Variants in STIL observed in about 807,000 individuals in gnomAD.
STIL encodes the protein SCL-interrupting locus protein.
STIL carries 55 observed loss-of-function variants against 110.1 expected under a neutral mutation model. The observed-to-expected ratio is 0.50, with a 90% CI of 0.40 to 0.63. STIL has a LOEUF of 0.63. Among genes scored for constraint, STIL ranks in the 20% least tolerant of loss-of-function variants. STIL has a pLI of 0.00. For synonymous variants in STIL, 481 were observed against 530.0 expected (o/e 0.91, Z 1.27); for missense variants, 1,358 against 1,530.0 (o/e 0.89, Z 1.87).
At chr1:47,278,765 A>C (rs564815290) in intron 12 of STIL, among the ~76,000 whole-genome samples, 1 of 152,210 alleles carries the variant, frequency 6.6e-6, no homozygotes, top group African/African-American at 2.4e-5. Flanking sequence ...GAGGAGTTCA[A>C]GACCAGTCTG....
At chr1:47,309,214 A>G (rs534193875) in intron 2 of STIL, among the ~76,000 whole-genome samples, 1 of 152,298 alleles carries the variant, frequency 6.6e-6, no homozygotes, top group South Asian at 2.1e-4. Flanking sequence ...TACATACACC[A>G]TGTACCCACA....
chr1:47,260,218 G>A (rs1347385219), intron 16 of STIL, 71 bp downstream of exon 16: 3 of 1,423,638 alleles, frequency 2.1e-6, no homozygotes, highest in African/African-American at 1.4e-5. Flanking sequence ...AGCCAATGAT[G>A]GGCAAAAATA....
intron 2 of STIL, among the ~76,000 whole-genome samples, chr1:47,308,528 C>T (rs944738110): frequency 1.3e-5 from 2 of 151,826 alleles, no homozygotes; most frequent in African/African-American, 2.4e-5. Flanking sequence ...ACAAACTTCA[C>T]GTTTTCGCTT....
At chr1:47,310,981 G>C (rs1646105579) in intron 1 of STIL, among the ~76,000 whole-genome samples, 1 of 152,056 alleles carries the variant, frequency 6.6e-6, no homozygotes, top group African/African-American at 2.4e-5. Flanking sequence ...CTGAGTAGCT[G>C]AGACTGCAGG....
chr1:47,277,595 T>C (rs1360640882), intron 12 of STIL, among the ~76,000 whole-genome samples: 1 of 152,122 alleles, frequency 6.6e-6, no homozygotes, highest in African/African-American at 2.4e-5. Context: ...GCAGGAAAGA[T>C]AGTAAAGAGT....
At chr1:47,284,275 G>C (rs1288735921) in intron 10 of STIL, among the ~76,000 whole-genome samples, 1 of 152,146 alleles carries the variant, frequency 6.6e-6, no homozygotes, top group Non-Finnish European at 1.5e-5. Flanking sequence ...CAGTACTTTA[G>C]GAGAGACAAA....
At chr1:47,303,650 G>A (rs1216329864) in intron 3 of STIL, among the ~76,000 whole-genome samples, 1 of 151,954 alleles carries the variant, frequency 6.6e-6, no homozygotes, top group Non-Finnish European at 1.5e-5. Flanking sequence ...AAAAACAAAG[G>A]AAACTACTCA....
chr1:47,255,283 G>A lies in STIL; in HGVS notation c.3081-3361C>T, dbSNP rs11211493. ...ATCTCATTAGATGTGCAGCCACAAG[G>A]AATGATGAAAGTCCATGAATAAATT... On this transcript the variant is annotated intron_variant, in intron 16 of 16. Coordinates refer to ENST00000371877, the MANE Select transcript of STIL (RefSeq NM_001048166.1). Among the ~76,000 whole-genome samples the A allele has an allele frequency of 8.0e-3, 1,213 of 152,278 alleles. 13 individuals carry two copies. The highest frequency in any genetic ancestry group is 0.027 in the African/African-American group (1,139 of 41,562).
chr1:47,279,938 CTTAG>C (rs1435119997), intron 12 of STIL, among the ~76,000 whole-genome samples: 1 of 151,992 alleles, frequency 6.6e-6, no homozygotes, highest in Non-Finnish European at 1.5e-5. Context: ...TATATAAAGG[CTTAG>C]TTAATTATAA....
intron 16 of STIL, among the ~76,000 whole-genome samples, chr1:47,258,992 C>CTTTGTTTTTTTTTTTTTTT (rs1644398907): frequency 1.1e-5 from 1 of 94,402 alleles, no homozygotes; most frequent in African/African-American, 4.6e-5. Flanking sequence ...AGTAACTTTG[C>CTTTGTTTTTTTTTTTTTTT]TTTTTTTTTT....
rs60685133 is a variant in STIL, at chr1:47,272,448, ATT to A, written c.2218-209_2218-208del. On this transcript the variant is annotated intron_variant, in intron 12 of 16. Coordinates refer to ENST00000371877, the MANE Select transcript of STIL (RefSeq NM_001048166.1). ...TATTAAGAAGCACTTTAAGTATACT[ATT>A]TTTTTTTTTTTTTGAGACAAGGTCT... 0.15 allele frequency among the ~76,000 whole-genome samples: 21,972 copies of A among 145,922 alleles called. 2,042 individuals are homozygous for A. The highest frequency in any genetic ancestry group is 0.22 in the Non-Finnish European group (14,766 of 66,152).
intron 14 of STIL, among the ~76,000 whole-genome samples, chr1:47,266,673 T>TGG (rs1644662903): frequency 6.6e-6 from 1 of 152,242 alleles, no homozygotes; most frequent in Non-Finnish European, 1.5e-5. Flanking sequence ...TCAAAATTTA[T>TGG]CCTACACCTG....
At chr1:47,308,211 T>C (rs923180838) in intron 2 of STIL, among the ~76,000 whole-genome samples, 7 of 152,170 alleles carry the variant, frequency 4.6e-5, no homozygotes, top group African/African-American at 2.4e-5. Flanking sequence ...AAAAACTTGC[T>C]GGTTTTTGTG....
intron 12 of STIL, among the ~76,000 whole-genome samples, chr1:47,279,094 G>C (rs550213104): frequency 2.0e-5 from 3 of 152,090 alleles, no homozygotes; most frequent in Middle Eastern, 6.8e-3. Context: ...TCAGGAGATC[G>C]AGACCATCCT....
rs1377788900 is a variant in STIL at position 47,269,760 on chromosome 1, A to T, written c.2490T>A (p.Asp830Glu). ...GAAGACTTGTGACTTCATTATTAATATCGACAGAAAAATTCATGTCCTCAC... is the reference window on the plus strand; with the variant it reads ...GAAGACTTGTGACTTCATTATTAATTTCGACAGAAAAATTCATGTCCTCAC... ...ISSEDMNFSVDINNEVTSLPG... is the reference protein window; with the variant it reads ...ISSEDMNFSVEINNEVTSLPG... The change falls in exon 14 of 17, where the codon GAT becomes GAA. Residue 830 changes from aspartate (D) to glutamate (E), a missense_variant. By Grantham distance (45) the Asp-to-Glu change is conservative. Transcript: ENST00000371877. 1 of 1,614,094 alleles carries T rather than the reference A, an allele frequency of 6.2e-7. No homozygotes were observed. The highest frequency in any genetic ancestry group is 1.3e-5 in the African/African-American group (1 of 74,936).
At position 47,258,635 on chromosome 1, in the gene STIL, A is replaced by G. The variant is rs143384384; in HGVS notation, c.3080+1654T>C. On this transcript the variant is annotated intron_variant, in intron 16 of 16. Transcript: ENST00000371877. ...TGTAATCCTAGCACTTTGGGAGGCC[A>G]AGGTGGGAAGATTGCTTGAGTCTAA... 3.3e-4 allele frequency among the ~76,000 whole-genome samples: 50 copies of G among 152,268 alleles called. 1 individual carries two copies. The East Asian group carries it at 8.7e-3, about 26-fold the overall frequency.
chr1:47,307,905 G>GGT (rs1056956776), intron 2 of STIL, among the ~76,000 whole-genome samples: 23 of 152,294 alleles, frequency 1.5e-4, no homozygotes, highest in African/African-American at 5.3e-4. Flanking sequence ...AGATTGCAGA[G>GGT]GTGAAATAAA....
In STIL at chr1:47,264,790, C is replaced by T. The variant is rs180964036; in HGVS notation, c.2616-1674G>A. On this transcript the variant is annotated intron_variant, in intron 14 of 16. Coordinates refer to ENST00000371877, the MANE Select transcript of STIL (RefSeq NM_001048166.1). Reference sequence around the variant, plus strand: ...GACAACACTGGAGAAAGTATTTAATCCAAATCAACAACCCAAATCAATGCT... The same window carrying T: ...GACAACACTGGAGAAAGTATTTAATTCAAATCAACAACCCAAATCAATGCT... Among the ~76,000 whole-genome samples the T allele has an allele frequency of 1.1e-4, 17 of 152,146 alleles. No individual in the cohort carries two copies. The East Asian group carries it at 3.3e-3, about 29-fold the overall frequency.
At chr1:47,270,611 G>A (rs1310335565) in intron 13 of STIL, among the ~76,000 whole-genome samples, 1 of 147,896 alleles carries the variant, frequency 6.8e-6, no homozygotes, top group African/African-American at 2.5e-5. Context: ...TGATGCATCA[G>A]ACATCTGTAA....
Sources: allele counts gnomAD v4.1 joint callset (sites outside exome capture counted in the v4.1 genomes callset), GRCh38; gene constraint gnomAD v4.1.1; transcripts MANE v1.5; gene names NCBI Gene and HGNC (gene_info 2026-07-23, HGNC 2026-07-21).